The following TPRG1 variants were observed in gnomAD, a reference collection of about 807,000 sequenced individuals.
TPRG1 encodes the protein tumor protein p63-regulated gene 1 protein.
A neutral mutation model predicts 29.3 loss-of-function variants in TPRG1; 29 were observed. That is an observed-to-expected ratio of 0.99 (90% confidence interval 0.74 to 1.35). The LOEUF is 1.35. Ranked by LOEUF, TPRG1 falls within the 40% of genes most tolerant of loss-of-function variation. The pLI, the probability that TPRG1 is intolerant of heterozygous loss-of-function variation, is 0.00. For synonymous variants in TPRG1, 130 were observed against 116.8 expected, an observed-to-expected ratio of 1.11 and a Z score of -0.73; for missense variants, 327 against 335.0, an observed-to-expected ratio of 0.98 and a Z score of 0.19.
At chr3:189,107,406 G>T (rs1261546727) in intron 1 of TPRG1, among the ~76,000 whole-genome samples, 4 of 152,106 alleles carry the variant, frequency 2.6e-5, no homozygotes, top group Admixed American at 2.6e-4. Context: ...GCTTAAAAAA[G>T]TAAAAATTCT....
chr3:189,022,801 G>A (rs904001345), intron 3 of TPRG1, among the ~76,000 whole-genome samples: 1 of 152,236 alleles, frequency 6.6e-6, no homozygotes, highest in Admixed American at 6.5e-5. Context: ...TCAAGCCGGG[G>A]CAATGGCGGG....
intron 1 of TPRG1, among the ~76,000 whole-genome samples, chr3:189,198,734 T>C (rs376871822): frequency 1.2e-4 from 18 of 152,324 alleles, no homozygotes; most frequent in African/African-American, 4.3e-4. Context: ...GAATTGCTCA[T>C]GGCCCACTAG....
intron 5 of TPRG1, among the ~76,000 whole-genome samples, chr3:189,315,284 G>T (rs892772316): frequency 1.0e-5 from 1 of 100,184 alleles, no homozygotes; most frequent in Non-Finnish European, 2.2e-5. Context: ...AGAATTGTGT[G>T]TGTGTGTGTG....
intron 4 of TPRG1, among the ~76,000 whole-genome samples, chr3:189,242,488 A>T (rs933713056): frequency 6.6e-6 from 1 of 152,076 alleles, no homozygotes; most frequent in East Asian, 1.9e-4. Flanking sequence ...GTGACATATT[A>T]TTCTTTTTAT....
At chr3:189,129,864 A>C (rs1722911942) in intron 2 of TPRG1, among the ~76,000 whole-genome samples, 1 of 152,186 alleles carries the variant, frequency 6.6e-6, no homozygotes, top group Non-Finnish European at 1.5e-5. Context: ...TATTTTACTA[A>C]CATTGATCAA....
rs1011083295 is a variant in TPRG1 at position 189,311,304 on chromosome 3, C to T, written c.633+765C>T. On this transcript the variant is annotated intron_variant, in intron 5 of 5. Coordinates refer to ENST00000345063, the MANE Select transcript of TPRG1 (RefSeq NM_198485.4). Reference sequence around the variant, plus strand: ...TAGACCTAGAAATTCTTACCTTCTCCGTCCTTTTTATGTTTACTTTTATAT... The same window carrying T: ...TAGACCTAGAAATTCTTACCTTCTCTGTCCTTTTTATGTTTACTTTTATAT... Among the ~76,000 whole-genome samples, 9 of 152,176 alleles carry T rather than the reference C, an allele frequency of 5.9e-5. 1 individual carries two copies. The highest frequency in any genetic ancestry group is 2.1e-4 in the South Asian group (1 of 4,812).
chr3:189,056,027 C>T (rs1206354958), intron 4 of TPRG1, among the ~76,000 whole-genome samples: 3 of 106,090 alleles, frequency 2.8e-5, no homozygotes, highest in Admixed American at 1.1e-4. Context: ...TCCCTTCCCT[C>T]CCTCCCTTCC....
At position 189,270,896 on chromosome 3, in the gene TPRG1, GATAATA is replaced by G. The variant is rs200761763; in HGVS notation, c.479+31998_479+32003del. On this transcript the variant is annotated intron_variant, in intron 4 of 5. Transcript: ENST00000345063. ...CTACCATGAGACTACTCAAAATAAT[GATAATA>G]ATAATAATAAAGCCAGCAGCAAAAA... Among the ~76,000 whole-genome samples, 5 of 151,936 alleles carry G rather than the reference GATAATA, an allele frequency of 3.3e-5. No homozygotes were observed. The South Asian group carries it at 6.3e-4, about 19-fold the overall frequency.
At chr3:189,263,490 G>T (rs1713504104) in intron 4 of TPRG1, among the ~76,000 whole-genome samples, 1 of 152,158 alleles carries the variant, frequency 6.6e-6, no homozygotes, top group Non-Finnish European at 1.5e-5. Context: ...CCATTTTGGA[G>T]GAGCTAGAAT....
intron 2 of TPRG1, among the ~76,000 whole-genome samples, chr3:189,131,919 G>A (rs1388164684): frequency 2.6e-5 from 4 of 152,142 alleles, no homozygotes; most frequent in Non-Finnish European, 5.9e-5. Context: ...TCTGTCTCAA[G>A]CTATTCAAAG....
intron 3 of TPRG1, among the ~76,000 whole-genome samples, chr3:189,006,245 C>T (rs1447749781): frequency 6.6e-6 from 1 of 152,078 alleles, no homozygotes; most frequent in Non-Finnish European, 1.5e-5. Context: ...TGTTGAGCCT[C>T]AGTTTTCTTA....
intron 3 of TPRG1, among the ~76,000 whole-genome samples, chr3:189,142,643 C>T (rs1196808238): frequency 6.6e-6 from 1 of 152,212 alleles, no homozygotes; most frequent in African/African-American, 2.4e-5. Context: ...TCTAACTCAA[C>T]CCTGCATGGT....
At chr3:189,089,808 C>T (rs1045484327) in intron 4 of TPRG1, among the ~76,000 whole-genome samples, 3 of 152,130 alleles carry the variant, frequency 2.0e-5, no homozygotes, top group African/African-American at 7.2e-5. Context: ...AATACTGCCC[C>T]ATTGGGAAAT....
intron 4 of TPRG1, among the ~76,000 whole-genome samples, chr3:189,049,303 T>C (rs1056892855): frequency 6.6e-6 from 1 of 152,098 alleles, no homozygotes; most frequent in African/African-American, 2.4e-5. Context: ...CTGTGGGTAG[T>C]GGGGGCATAG....
chr3:189,068,918 C>G (rs1716640157), intron 4 of TPRG1, among the ~76,000 whole-genome samples: 3 of 152,124 alleles, frequency 2.0e-5, no homozygotes, highest in Admixed American at 6.5e-5. Context: ...ACAAACTTAG[C>G]ATTTTCCACT....
At chr3:189,188,787 C>T (rs895906306) in intron 1 of TPRG1, among the ~76,000 whole-genome samples, 2 of 152,192 alleles carry the variant, frequency 1.3e-5, no homozygotes, top group Admixed American at 6.5e-5. Flanking sequence ...CTGTCTGTCT[C>T]CATTCCTCAG....
intron 1 of TPRG1, among the ~76,000 whole-genome samples, chr3:189,202,531 C>T (rs7641362): frequency 0.13 from 19,296 of 152,102 alleles, 3,660 homozygotes; most frequent in African/African-American, 0.41. Context: ...TTAGGCAAAA[C>T]GTAATAGGTT....
chr3:189,062,802 GAAT>G (rs1348710894), intron 4 of TPRG1, among the ~76,000 whole-genome samples: 1 of 151,788 alleles, frequency 6.6e-6, no homozygotes, highest in Non-Finnish European at 1.5e-5. Flanking sequence ...AATCAAAATA[GAAT>G]AATAAGAAAT....
intron 1 of TPRG1, among the ~76,000 whole-genome samples, chr3:189,195,214 A>C (rs1448573719): frequency 6.6e-6 from 1 of 152,034 alleles, no homozygotes; most frequent in Non-Finnish European, 1.5e-5. Context: ...ACTGGGGTGC[A>C]TGACCACTCT....
Sources: allele counts gnomAD v4.1 joint callset (sites outside exome capture counted in the v4.1 genomes callset), GRCh38; gene constraint gnomAD v4.1.1; transcripts MANE v1.5; gene names NCBI Gene and HGNC (gene_info 2026-07-23, HGNC 2026-07-21).